The following DLG2 variants were observed in gnomAD, a reference collection of about 807,000 sequenced individuals.
The protein encoded by DLG2 is discs large MAGUK scaffold protein 2.
In DLG2, 45 loss-of-function variants were observed where a neutral mutation model predicts 132.5. The ratio of observed to expected loss-of-function variants is 0.34; its 90% CI spans 0.27 to 0.44. The LOEUF is 0.44. Ranked by LOEUF, DLG2 falls within the 20% of genes least tolerant of loss-of-function variation. The probability of loss-of-function intolerance (pLI) is 1.00; values close to 1 mark genes in which losing one functional copy is unlikely to be tolerated. For synonymous variants in DLG2, 424 were observed against 419.6 expected (o/e 1.01, Z -0.13); for missense variants, 1,045 against 1,196.9 (o/e 0.87, Z 1.87).
chr11:84,445,045 C>G (rs879470651), intron 7 of DLG2, among the ~76,000 whole-genome samples: 1 of 152,102 alleles, frequency 6.6e-6, no homozygotes, highest in Non-Finnish European at 1.5e-5. Flanking sequence ...TCAGGCAGAC[C>G]AGGTAATCCG....
At chr11:85,264,144 CTTG>C in intron 4 of DLG2, among the ~76,000 whole-genome samples, 1 of 152,246 alleles carries the variant, frequency 6.6e-6, no homozygotes, top group Admixed American at 6.5e-5. Context: ...CTGCCTCTTC[CTTG>C]TTGTTGATTG....
chr11:83,633,445 G>A (rs917750922), intron 18 of DLG2, 120 bp from the exon 19 acceptor site: 2 of 729,374 alleles, frequency 2.7e-6, no homozygotes, highest in African/African-American at 3.5e-5. Flanking sequence ...ATGGGGAGAT[G>A]TGCAACTCAA....
chr11:85,388,743 G>C (rs2086556593), intron 3 of DLG2, among the ~76,000 whole-genome samples: 1 of 152,124 alleles, frequency 6.6e-6, no homozygotes, highest in Non-Finnish European at 1.5e-5. Flanking sequence ...ATCCAGAGGA[G>C]AAATAACAAT....
chr11:85,454,257 T>C (rs1023407266), intron 3 of DLG2, among the ~76,000 whole-genome samples: 1 of 152,006 alleles, frequency 6.6e-6, no homozygotes. Context: ...TGAGATGGTA[T>C]CTCATTGTGG....
At chr11:83,499,898 T>TATATA (rs1555113167) in intron 21 of DLG2, among the ~76,000 whole-genome samples, 2 of 96,472 alleles carry the variant, frequency 2.1e-5, no homozygotes, top group Non-Finnish European at 4.2e-5. Context: ...TATATATATA[T>TATATA]CAGTTCTGTC....
intron 15 of DLG2, among the ~76,000 whole-genome samples, chr11:83,927,042 C>T (rs1208170513): frequency 1.3e-5 from 2 of 152,104 alleles, no homozygotes; most frequent in African/African-American, 2.4e-5. Flanking sequence ...TTATTTGTTT[C>T]TATGCATGGA....
At chr11:85,551,509 A>T (rs891921814) in intron 3 of DLG2, among the ~76,000 whole-genome samples, 1 of 152,146 alleles carries the variant, frequency 6.6e-6, no homozygotes, top group African/African-American at 2.4e-5. Flanking sequence ...ACAAAATTAG[A>T]TCTAAACTAT....
intron 7 of DLG2, among the ~76,000 whole-genome samples, chr11:84,391,353 C>G (rs1210410120): frequency 1.3e-5 from 2 of 152,160 alleles, no homozygotes; most frequent in African/African-American, 4.8e-5. Context: ...TGAAAGGATA[C>G]ATAAGAAACC....
chr11:83,860,712 A>T (rs1249249781), intron 16 of DLG2, among the ~76,000 whole-genome samples: 1 of 152,094 alleles, frequency 6.6e-6, no homozygotes, highest in African/African-American at 2.4e-5. Context: ...AAATGTTAGG[A>T]CATGACATTT....
At chr11:84,002,971 T>C (rs575640364) in intron 11 of DLG2, among the ~76,000 whole-genome samples, 1 of 152,316 alleles carries the variant, frequency 6.6e-6, no homozygotes, top group African/African-American at 2.4e-5. Flanking sequence ...TGCGTAAAAC[T>C]CAATGCTTTT....
chr11:84,559,928 C>T (rs531445997), intron 6 of DLG2, among the ~76,000 whole-genome samples: 10 of 152,056 alleles, frequency 6.6e-5, no homozygotes, highest in African/African-American at 2.2e-4. Flanking sequence ...GACATGTTAT[C>T]CCATTTGTTT....
intron 7 of DLG2, among the ~76,000 whole-genome samples, chr11:84,261,552 G>GT (rs1375685086): frequency 6.6e-6 from 1 of 152,112 alleles, no homozygotes; most frequent in East Asian, 1.9e-4. Context: ...AAGGAAATAA[G>GT]TTATGTGAAA....
At chr11:83,968,827 T>C (rs1187934346) in intron 12 of DLG2, among the ~76,000 whole-genome samples, 2 of 152,174 alleles carry the variant, frequency 1.3e-5, no homozygotes, top group Admixed American at 1.3e-4. Flanking sequence ...AGGTCCTTGC[T>C]TTCATGAAAC....
At chr11:84,394,757 G>T (rs12360865) in intron 7 of DLG2, among the ~76,000 whole-genome samples, 5 of 152,010 alleles carry the variant, frequency 3.3e-5, no homozygotes, top group Non-Finnish European at 7.4e-5. Context: ...AAGTAGCTGG[G>T]ATTACAGGTG....
At chr11:84,968,120 C>CA (rs547835180) in intron 6 of DLG2, among the ~76,000 whole-genome samples, 1 of 151,578 alleles carries the variant, frequency 6.6e-6, no homozygotes, top group African/African-American at 2.4e-5. Flanking sequence ...TCTAAATGTT[C>CA]AAAAAAGGGA....
intron 7 of DLG2, among the ~76,000 whole-genome samples, chr11:84,267,059 T>C (rs941958420): frequency 6.6e-6 from 1 of 152,206 alleles, no homozygotes; most frequent in Non-Finnish European, 1.5e-5. Flanking sequence ...CAAAGTCCCA[T>C]GACAGGCATG....
chr11:83,733,240 CAAAAAAAAA>C (rs71066061), intron 18 of DLG2, among the ~76,000 whole-genome samples: 1 of 46,252 alleles, frequency 2.2e-5, no homozygotes, highest in African/African-American at 7.6e-5. Flanking sequence ...GACCCCATCT[CAAAAAAAAA>C]AAAAAAAAAA....
At chr11:85,548,460 C>T (rs531238942) in intron 3 of DLG2, among the ~76,000 whole-genome samples, 37 of 152,314 alleles carry the variant, frequency 2.4e-4, no homozygotes, top group Non-Finnish European at 4.1e-4. Flanking sequence ...TCAGGATACA[C>T]GGGGGTCAGG....
intron 17 of DLG2, among the ~76,000 whole-genome samples, chr11:83,820,093 A>G (rs1457288266): frequency 6.6e-6 from 1 of 152,234 alleles, no homozygotes; most frequent in Non-Finnish European, 1.5e-5. Context: ...AAACTGGGCA[A>G]AAGGCCACAT....
Sources: gnomAD v4.1 joint callset for allele counts (sites outside exome capture counted in the v4.1 genomes callset) on GRCh38, gnomAD v4.1.1 for gene constraint, MANE v1.5 for transcripts, NCBI Gene and HGNC (gene_info 2026-07-23, HGNC 2026-07-21) for gene names.